SRPK2: variants seen among roughly 807,000 people sequenced by gnomAD.
SRPK2 encodes the protein SFRS protein kinase 2.
Under a neutral mutation model 90.8 loss-of-function variants are expected in SRPK2, and 21 were observed. The observed-to-expected ratio is 0.23, with a 90% CI of 0.16 to 0.33. The LOEUF is 0.33. Ranked by LOEUF, SRPK2 falls within the 10% of genes least tolerant of loss-of-function variation. SRPK2 has a pLI of 1.00. For synonymous variants in SRPK2, 288 were observed against 311.1 expected (o/e 0.93, Z 0.78); for missense variants, 620 against 869.0 (o/e 0.71, Z 3.60).
intron 2 of SRPK2, among the ~76,000 whole-genome samples, chr7:105,329,761 G>A (rs770342429): frequency 1.3e-5 from 2 of 152,092 alleles, no homozygotes; most frequent in Non-Finnish European, 2.9e-5. Flanking sequence ...CCGGCATGGT[G>A]GCTCATGCCT....
At chr7:105,180,039 TCA>T (rs1322854973) in intron 3 of SRPK2, among the ~76,000 whole-genome samples, 1 of 152,068 alleles carries the variant, frequency 6.6e-6, no homozygotes, top group East Asian at 1.9e-4. Flanking sequence ...GCTATTCCTA[TCA>T]AACTATAAAT....
intron 2 of SRPK2, among the ~76,000 whole-genome samples, chr7:105,224,941 T>C (rs1329314787): frequency 6.6e-6 from 1 of 152,146 alleles, no homozygotes; most frequent in Non-Finnish European, 1.5e-5. Flanking sequence ...AAAAAAGACG[T>C]TAAAATATTA....
chr7:105,280,819 C>T (rs898345217), intron 2 of SRPK2, among the ~76,000 whole-genome samples: 1 of 150,874 alleles, frequency 6.6e-6, no homozygotes, highest in African/African-American at 2.4e-5. Flanking sequence ...TGGTGGCGGG[C>T]ACCTGTAGTC....
intron 2 of SRPK2, among the ~76,000 whole-genome samples, chr7:105,241,489 T>C (rs528707851): frequency 6.6e-6 from 1 of 152,170 alleles, no homozygotes; most frequent in Non-Finnish European, 1.5e-5. Flanking sequence ...ATCTACTTTA[T>C]ATTGACTGTC....
intron 2 of SRPK2, among the ~76,000 whole-genome samples, chr7:105,284,278 G>C (rs571771762): frequency 1.3e-5 from 2 of 152,252 alleles, no homozygotes; most frequent in African/African-American, 4.8e-5. Context: ...GCCAAGTGAA[G>C]AAATTAACAC....
intron 7 of SRPK2, among the ~76,000 whole-genome samples, chr7:105,147,081 G>GT (rs1804744034): frequency 6.6e-6 from 1 of 152,198 alleles, no homozygotes; most frequent in South Asian, 2.1e-4. Flanking sequence ...TTAATGAATA[G>GT]TAAGTATATT....
intron 2 of SRPK2, among the ~76,000 whole-genome samples, chr7:105,296,578 CAG>C (rs1214483762): frequency 1.3e-5 from 2 of 151,952 alleles, no homozygotes; most frequent in African/African-American, 4.8e-5. Flanking sequence ...TACAGTGAAA[CAG>C]GAGAGGAAAG....
intron 2 of SRPK2, among the ~76,000 whole-genome samples, chr7:105,376,720 T>C (rs1820345171): frequency 6.6e-6 from 1 of 151,648 alleles, no homozygotes; most frequent in Non-Finnish European, 1.5e-5. Flanking sequence ...GTATTTTTAG[T>C]AGAGATGGGG....
At chr7:105,396,091 T>A (rs997917637) in intron 1 of SRPK2, among the ~76,000 whole-genome samples, 5 of 151,772 alleles carry the variant, frequency 3.3e-5, no homozygotes, top group Non-Finnish European at 7.4e-5. Context: ...AATTTTGTAT[T>A]TTTAGTAGAG....
chr7:105,253,513 T>A (rs1802775922), intron 2 of SRPK2, among the ~76,000 whole-genome samples: 1 of 152,162 alleles, frequency 6.6e-6, no homozygotes, highest in African/African-American at 2.4e-5. Flanking sequence ...TATTTTCCCA[T>A]CCTCTCCTCC....
chr7:105,247,729 G>C (rs143735112), intron 2 of SRPK2, among the ~76,000 whole-genome samples: 1 of 149,666 alleles, frequency 6.7e-6, no homozygotes, highest in African/African-American at 2.5e-5. Context: ...TTAAAAAAAA[G>C]TTTTTTATTT....
Position 105,132,853 on chromosome 7 carries a change from T to C in SRPK2, c.1690A>G (p.Ile564Val). 1.9e-6 allele frequency: 3 copies of C among 1,611,538 alleles called. No homozygotes were observed. Among genetic ancestry groups the C allele is most frequent in the South Asian group, 2.2e-5 (2 of 90,690 alleles). The change falls in exon 13 of 16, where the codon ATA (isoleucine) becomes GTA (valine). Residue 564 changes from isoleucine to valine, a missense_variant. This residue lies in a region of SRPK2 where 25 missense variants were observed against 21.4 expected (regional missense o/e 1.17). Coordinates refer to ENST00000393651, the MANE Select transcript of SRPK2 (RefSeq NM_182692.3). ...TACCCCGCTCCTATTAAAACCTCTATGGAGCGGTACTGACGCGTCTGGATG... is the reference window on the plus strand; with the variant it reads ...TACCCCGCTCCTATTAAAACCTCTACGGAGCGGTACTGACGCGTCTGGATG... ...EDIQTRQYRS[I>V]EVLIGAGYST...
At chr7:105,359,949 C>T (rs548650725) in intron 2 of SRPK2, among the ~76,000 whole-genome samples, 1 of 152,218 alleles carries the variant, frequency 6.6e-6, no homozygotes, top group East Asian at 1.9e-4. Flanking sequence ...CCTTCTGTCT[C>T]GTTGATCTGT....
chr7:105,237,071 T>C (rs1800231009), intron 2 of SRPK2, among the ~76,000 whole-genome samples: 1 of 152,194 alleles, frequency 6.6e-6, no homozygotes, highest in South Asian at 2.1e-4. Context: ...CAGAATGCCA[T>C]ACATGACCAG....
At chr7:105,325,505 T>A (rs866364023) in intron 2 of SRPK2, among the ~76,000 whole-genome samples, 3,331 of 62,850 alleles carry the variant, frequency 0.053, 190 homozygotes, top group African/African-American at 0.16. Context: ...AAAAAAAAAA[T>A]GATGTCCATT....
chr7:105,122,282 T>C (rs530360405), intron 15 of SRPK2, among the ~76,000 whole-genome samples: 1 of 152,366 alleles, frequency 6.6e-6, no homozygotes, highest in Admixed American at 6.5e-5. Flanking sequence ...GTAAAATGTA[T>C]ATAAATTGGA....
chr7:105,165,936 C>T (rs1181031473), intron 6 of SRPK2, among the ~76,000 whole-genome samples: 5 of 152,120 alleles, frequency 3.3e-5, no homozygotes, highest in Non-Finnish European at 7.3e-5. Context: ...ACGAACCCAC[C>T]GGGAGGAACA....
At chr7:105,233,058 G>A (rs140018359) in intron 2 of SRPK2, among the ~76,000 whole-genome samples, 11 of 148,078 alleles carry the variant, frequency 7.4e-5, no homozygotes, top group African/African-American at 2.8e-4. Flanking sequence ...GAGAGAGGGA[G>A]GGAGCAAGGA....
At chr7:105,135,437 G>A (rs1802657361) in intron 11 of SRPK2, among the ~76,000 whole-genome samples, 1 of 152,208 alleles carries the variant, frequency 6.6e-6, no homozygotes, top group African/African-American at 2.4e-5. Context: ...AGGGACCAGA[G>A]AGCAGCAGCA....
Sources: gnomAD v4.1 joint callset for allele counts (sites outside exome capture counted in the v4.1 genomes callset) on GRCh38, gnomAD v4.1.1 for gene constraint, gnomAD v4.1.1 regional missense constraint, MANE v1.5 for transcripts, NCBI Gene and HGNC (gene_info 2026-07-23, HGNC 2026-07-21) for gene names.